Variants in USH2A observed in about 807,000 individuals in gnomAD.
USH2A encodes Usher syndrome 2A (autosomal recessive, mild).
In USH2A, 443 loss-of-function variants were observed where a neutral mutation model predicts 538.9. The ratio of observed to expected loss-of-function variants is 0.82; its 90% CI spans 0.76 to 0.89. The LOEUF (loss-of-function observed/expected upper bound fraction) is 0.89. USH2A is among the 40% of genes least tolerant of loss of function. The pLI, the probability that USH2A is intolerant of heterozygous loss-of-function variation, is 0.00. For missense variants in USH2A, 6,633 were observed against 6,324.8 expected, an observed-to-expected ratio of 1.05 and a Z score of -1.65; for synonymous variants, 2,413 against 2,273.5, an observed-to-expected ratio of 1.06 and a Z score of -1.75.
chr1:215,850,694 CTT>C (rs751695267), intron 44 of USH2A, among the ~76,000 whole-genome samples: 1 of 152,156 alleles, frequency 6.6e-6, no homozygotes, highest in Non-Finnish European at 1.5e-5. Context: ...AACAAATAGA[CTT>C]AACAGATATT....
At chr1:216,040,274 T>C (rs77364404) in intron 32 of USH2A, among the ~76,000 whole-genome samples, 10,140 of 152,060 alleles carry the variant, frequency 0.067, 365 homozygotes, top group African/African-American at 0.08. Flanking sequence ...ACACGTGTTA[T>C]GGCTTGGTGT....
chr1:216,230,876 A>ACT (rs1553318004), intron 14 of USH2A, among the ~76,000 whole-genome samples: 120 of 75,176 alleles, frequency 1.6e-3, no homozygotes, highest in Non-Finnish European at 3.3e-3. Context: ...TCATAATCTC[A>ACT]CTCTCTCTCT....
chr1:216,396,898 A>AT (rs1252848066), intron 3 of USH2A, among the ~76,000 whole-genome samples: 2 of 152,232 alleles, frequency 1.3e-5, no homozygotes, highest in Non-Finnish European at 2.9e-5. Context: ...AGCTCCATCC[A>AT]ATGTTTAATA....
chr1:216,046,653 A>T, intron 31 of USH2A, 61 bp from the exon 32 acceptor site: 1 of 1,584,298 alleles, frequency 6.3e-7, no homozygotes, highest in South Asian at 1.1e-5. Context: ...CAAACTTTTC[A>T]GACCCAAACC....
intron 27 of USH2A, among the ~76,000 whole-genome samples, chr1:216,076,854 A>C (rs1380662336): frequency 6.6e-6 from 1 of 152,140 alleles, no homozygotes; most frequent in African/African-American, 2.4e-5. Context: ...TAGATTTTGA[A>C]ATACGTAAAG....
In USH2A at chr1:215,640,690, CA is replaced by C. The variant is rs2102636076; in HGVS notation, c.14835del (p.Val4946TrpfsTer4). On this transcript the variant is annotated frameshift_variant, in exon 68 of 72. Transcript: ENST00000307340. LOFTEE classifies it high-confidence loss of function. ...RAPFSVDSNL[S>X]VVCVNWSDTF... ...GTGTCACTCCAGTTCACACACACCA[CA>C]GACAAATTGCTGTCCACCGAAAATG... is the stretch of plus-strand genomic sequence containing the variant. 6.2e-7 allele frequency: 1 copy of C among 1,613,804 alleles called. No homozygotes were observed. Among genetic ancestry groups the C allele is most frequent in the East Asian group, 2.2e-5 (1 of 44,832 alleles).
chr1:216,145,565 G>C (rs940977601), intron 21 of USH2A, among the ~76,000 whole-genome samples: 6 of 152,182 alleles, frequency 3.9e-5, no homozygotes, highest in African/African-American at 1.4e-4. Flanking sequence ...GTTCAGAGTA[G>C]TCAAACAGCC....
intron 61 of USH2A, among the ~76,000 whole-genome samples, chr1:215,721,169 G>A (rs1659646910): frequency 6.6e-6 from 1 of 151,992 alleles, no homozygotes; most frequent in African/African-American, 2.4e-5. Context: ...CCACCTCCCG[G>A]GTCCAAGAAA....
intron 44 of USH2A, among the ~76,000 whole-genome samples, chr1:215,863,815 A>G (rs1664394227): frequency 6.6e-6 from 1 of 152,106 alleles, no homozygotes; most frequent in Admixed American, 6.6e-5. Context: ...CTACAAAAAC[A>G]TTTTAAAAAA....
chr1:216,055,764 T>G (rs1372205726), intron 30 of USH2A, among the ~76,000 whole-genome samples: 2 of 152,378 alleles, frequency 1.3e-5, no homozygotes, highest in Admixed American at 1.3e-4. Context: ...GGACTTCTAA[T>G]ATTTACAAAG....
At chr1:215,743,432 ACAC>A (rs1660372563) in intron 58 of USH2A, 97 bp from the exon 59 acceptor site, 1 of 314,374 alleles carries the variant, frequency 3.2e-6, no homozygotes, top group Non-Finnish European at 5.0e-6. Flanking sequence ...ATATATAGAC[ACAC>A]ATATATATAT....
intron 37 of USH2A, among the ~76,000 whole-genome samples, chr1:215,948,425 GAT>G (rs143122492): frequency 0.029 from 4,214 of 144,538 alleles, 99 homozygotes; most frequent in South Asian, 0.081. Context: ...TATTTGTTCA[GAT>G]ATATATATAT....
intron 58 of USH2A, among the ~76,000 whole-genome samples, chr1:215,754,833 T>C (rs1660741829): frequency 1.3e-5 from 2 of 152,246 alleles, no homozygotes; most frequent in Non-Finnish European, 1.5e-5. Context: ...AATTCACCAG[T>C]CTCACTTGGT....
intron 32 of USH2A, among the ~76,000 whole-genome samples, chr1:216,006,010 G>A (rs898320727): frequency 3.3e-5 from 5 of 151,918 alleles, no homozygotes; most frequent in Admixed American, 6.6e-5. Flanking sequence ...TCACATCTCC[G>A]GTCACACTGC....
chr1:216,016,711 A>G (rs1378195471), intron 32 of USH2A, among the ~76,000 whole-genome samples: 2 of 152,266 alleles, frequency 1.3e-5, no homozygotes, highest in African/African-American at 4.8e-5. Flanking sequence ...GGACACTCCT[A>G]ATTGTTGAAT....
rs542341955 is a variant in USH2A, at chr1:215,634,587, T to A, written c.15169A>T (p.Ile5057Phe). ...CTTTGTAGTATCAGGGACAGAAAAA[T>A]GGCCAACAAGATCAAGCCCAGCATC... ...MAMLGLILLA[I>F]FLSLILQRKI... Residue 5057 changes from isoleucine to phenylalanine, a missense_variant, in exon 70 of 72, where the codon ATT becomes TTT. By Grantham distance (21) the Ile-to-Phe change is conservative. Coordinates refer to ENST00000307340, the MANE Select transcript of USH2A (RefSeq NM_206933.4). 1.1e-5 allele frequency: 18 copies of A among 1,614,132 alleles called. 1 individual carries two copies. In the East Asian group the frequency reaches 3.8e-4, roughly 34 times the overall value.
chr1:215,887,327 A>T (rs1665085603), intron 41 of USH2A, among the ~76,000 whole-genome samples: 1 of 151,542 alleles, frequency 6.6e-6, no homozygotes, highest in Non-Finnish European at 1.5e-5. Flanking sequence ...GTTTTACAAA[A>T]CTCCCCCAAG....
intron 31 of USH2A, among the ~76,000 whole-genome samples, chr1:216,047,667 G>A (rs893487026): frequency 6.6e-5 from 10 of 152,240 alleles, no homozygotes; most frequent in African/African-American, 2.2e-4. Context: ...GGGTTTAAAA[G>A]AGGAAGGGGG....
chr1:215,933,122 T>C (rs1327264545), intron 38 of USH2A, among the ~76,000 whole-genome samples: 1 of 151,986 alleles, frequency 6.6e-6, no homozygotes, highest in African/African-American at 2.4e-5. Context: ...TTAAATATTG[T>C]ATATATCCTG....
Sources: gnomAD v4.1 joint callset for allele counts (sites outside exome capture counted in the v4.1 genomes callset) on GRCh38, gnomAD v4.1.1 for gene constraint, MANE v1.5 for transcripts, NCBI Gene and HGNC (gene_info 2026-07-23, HGNC 2026-07-21) for gene names.